The following RSRC1 variants were observed in gnomAD, a reference collection of about 807,000 sequenced individuals.
RSRC1 encodes serine/Arginine-related protein 53.
Under a neutral mutation model 49.1 loss-of-function variants are expected in RSRC1, and 39 were observed. That is an observed-to-expected ratio of 0.79 (90% CI 0.61 to 1.04). RSRC1 has a LOEUF of 1.04. Among genes scored for constraint, RSRC1 ranks in the 50% least tolerant of loss-of-function variants. The pLI is 0.00. For missense variants in RSRC1, 388 were observed against 402.4 expected, an observed-to-expected ratio of 0.96 and a Z score of 0.31; for synonymous variants, 143 against 130.8, an observed-to-expected ratio of 1.09 and a Z score of -0.63.
At chr3:158,390,756 A>G (rs1733236711) in intron 6 of RSRC1, among the ~76,000 whole-genome samples, 1 of 152,162 alleles carries the variant, frequency 6.6e-6, no homozygotes, top group Non-Finnish European at 1.5e-5. Flanking sequence ...TGATTTTAAT[A>G]TATTACAGTA....
At chr3:158,239,703 C>T (rs936716041) in intron 4 of RSRC1, among the ~76,000 whole-genome samples, 2 of 151,882 alleles carry the variant, frequency 1.3e-5, no homozygotes, top group Admixed American at 6.6e-5. Flanking sequence ...TGCACATGTA[C>T]CCTAGAACTT....
At chr3:158,189,863 A>G (rs1222247639) in intron 3 of RSRC1, among the ~76,000 whole-genome samples, 2 of 151,634 alleles carry the variant, frequency 1.3e-5, no homozygotes, top group South Asian at 2.1e-4. Context: ...CTTCTCTATT[A>G]GGTGACTAGT....
chr3:158,415,288 T>G (rs141324883), intron 6 of RSRC1, among the ~76,000 whole-genome samples: 2,971 of 152,218 alleles, frequency 0.02, 32 homozygotes, highest in Non-Finnish European at 0.028. Context: ...ATAGCTTTTT[T>G]TGTGTGTGTG....
At chr3:158,522,323 T>C (rs1018610794) in intron 7 of RSRC1, among the ~76,000 whole-genome samples, 1 of 152,088 alleles carries the variant, frequency 6.6e-6, no homozygotes, top group Non-Finnish European at 1.5e-5. Context: ...TTTTCTCCCC[T>C]TTGAGACAGG....
intron 4 of RSRC1, among the ~76,000 whole-genome samples, chr3:158,253,267 GT>G (rs1724331728): frequency 6.6e-6 from 1 of 151,286 alleles, no homozygotes; most frequent in Non-Finnish European, 1.5e-5. Context: ...GGTGTGTTGT[GT>G]TTCCATTTTT....
intron 3 of RSRC1, among the ~76,000 whole-genome samples, chr3:158,199,652 A>G (rs1352872656): frequency 6.6e-6 from 1 of 152,196 alleles, no homozygotes; most frequent in Non-Finnish European, 1.5e-5. Flanking sequence ...ATTTAAAACT[A>G]TAAATTTCTC....
chr3:158,336,096 T>C (rs898352064), intron 5 of RSRC1, among the ~76,000 whole-genome samples: 1 of 152,224 alleles, frequency 6.6e-6, no homozygotes, highest in African/African-American at 2.4e-5. Context: ...ACATCACTTA[T>C]CTTTGGGCAC....
intron 3 of RSRC1, among the ~76,000 whole-genome samples, chr3:158,142,380 TG>T (rs1481041633): frequency 6.6e-6 from 1 of 152,244 alleles, no homozygotes; most frequent in Non-Finnish European, 1.5e-5. Flanking sequence ...GTAGCCATCT[TG>T]GAATGGTTCA....
chr3:158,273,129 G>A (rs1198350385), intron 4 of RSRC1, among the ~76,000 whole-genome samples: 1 of 151,966 alleles, frequency 6.6e-6, no homozygotes, highest in Admixed American at 6.6e-5. Context: ...TTATATTCAG[G>A]AATCATCTCA....
intron 6 of RSRC1, among the ~76,000 whole-genome samples, chr3:158,421,475 G>A (rs1316724463): frequency 4.0e-5 from 6 of 151,788 alleles, no homozygotes; most frequent in Admixed American, 4.0e-4. Flanking sequence ...TAAGATCATT[G>A]CAGTAATTAA....
rs559985547 is a variant in RSRC1, at chr3:158,358,604, T to A, written c.583+3696T>A. Among the ~76,000 whole-genome samples, 27 of 152,242 alleles carry A rather than the reference T, an allele frequency of 1.8e-4. 1 individual carries two copies. The South Asian group carries it at 4.8e-3, about 27-fold the overall frequency. On this transcript the variant is annotated intron_variant, in intron 6 of 9. Coordinates refer to ENST00000611884, the MANE Select transcript of RSRC1 (RefSeq NM_001271838.2). ...TTTTTTCTAGTTCATTGAGGTGAAA[T>A]TTACATAACATAAAATTAATCATAA...
chr3:158,223,777 G>A (rs1037708073), intron 4 of RSRC1, among the ~76,000 whole-genome samples: 14 of 151,562 alleles, frequency 9.2e-5, no homozygotes, highest in Non-Finnish European at 1.9e-4. Flanking sequence ...TTTATCTCAC[G>A]CCACTCAAGA....
At chr3:158,292,288 T>G (rs1212786023) in intron 4 of RSRC1, among the ~76,000 whole-genome samples, 1 of 152,162 alleles carries the variant, frequency 6.6e-6, no homozygotes, top group Non-Finnish European at 1.5e-5. Context: ...TAACCTAATA[T>G]TCAACTAATG....
At chr3:158,336,720 C>A (rs1194722545) in intron 5 of RSRC1, 1 of 152,232 alleles carries the variant, frequency 6.6e-6, no homozygotes, top group African/African-American at 2.4e-5. Context: ...AAGGGTTTGT[C>A]ATAAGCTGTG....
At chr3:158,128,179 G>C (rs1327743861) in intron 3 of RSRC1, among the ~76,000 whole-genome samples, 1 of 152,106 alleles carries the variant, frequency 6.6e-6, no homozygotes, top group African/African-American at 2.4e-5. Context: ...CCCATCCCTT[G>C]GGTGGCCCTC....
chr3:158,287,787 C>T (rs1726661938), intron 4 of RSRC1, among the ~76,000 whole-genome samples: 1 of 152,094 alleles, frequency 6.6e-6, no homozygotes, highest in Non-Finnish European at 1.5e-5. Context: ...AAAACAAGGA[C>T]ATATTGAAGC....
chr3:158,288,678 G>A (rs532961150), intron 4 of RSRC1, among the ~76,000 whole-genome samples: 3 of 152,054 alleles, frequency 2.0e-5, no homozygotes, highest in Non-Finnish European at 4.4e-5. Flanking sequence ...ATATAAAATG[G>A]CATAGTATTT....
intron 7 of RSRC1, among the ~76,000 whole-genome samples, chr3:158,471,223 A>G (rs1738120756): frequency 6.6e-6 from 1 of 152,214 alleles, no homozygotes; most frequent in Non-Finnish European, 1.5e-5. Context: ...AGTCTGCAGT[A>G]TGATAAGTAG....
intron 5 of RSRC1, among the ~76,000 whole-genome samples, chr3:158,325,421 T>G (rs981491205): frequency 1.1e-4 from 16 of 152,256 alleles, no homozygotes; most frequent in African/African-American, 1.7e-4. Context: ...TGTAAGGAAG[T>G]GATCCAGTTT....
Sources: allele counts gnomAD v4.1 joint callset (sites outside exome capture counted in the v4.1 genomes callset), GRCh38; gene constraint gnomAD v4.1.1; transcripts MANE v1.5; gene names NCBI Gene and HGNC (gene_info 2026-07-23, HGNC 2026-07-21).